The following DLGAP1 variants were observed in gnomAD, a reference collection of about 807,000 sequenced individuals.
The protein encoded by DLGAP1 is disks large-associated protein 1.
DLGAP1 carries 11 observed loss-of-function variants against 90.8 expected under a neutral mutation model. That is an observed-to-expected ratio of 0.12 (90% CI 0.08 to 0.20). The LOEUF is 0.20. Ranked by LOEUF, DLGAP1 falls within the 10% of genes least tolerant of loss-of-function variation. The probability of loss-of-function intolerance (pLI) is 1.00; values close to 1 mark genes in which losing one functional copy is unlikely to be tolerated. For missense variants in DLGAP1, 1,050 were observed against 1,333.8 expected (o/e 0.79, Z 3.31); for synonymous variants, 558 against 540.7 (o/e 1.03, Z -0.44).
chr18:3,746,785 T>G (rs1404348790), intron 5 of DLGAP1, among the ~76,000 whole-genome samples: 1 of 152,208 alleles, frequency 6.6e-6, no homozygotes, highest in Non-Finnish European at 1.5e-5. Flanking sequence ...ATTTACACAT[T>G]ACATTCATGT....
chr18:3,815,751 A>G lies in DLGAP1; in HGVS notation c.958-1478T>C, dbSNP rs1240672963. ...AGATCTCATTCCTTCTTCATTTTTC[A>G]TGACGTGAAAAAAAATGCATAATAA... is the stretch of plus-strand genomic sequence containing the variant. On this transcript the variant is annotated intron_variant, in intron 4 of 12. Transcript: ENST00000315677. 3.3e-5 allele frequency among the ~76,000 whole-genome samples: 5 copies of G among 152,028 alleles called. No homozygotes were observed. In the East Asian group the frequency reaches 9.6e-4, roughly 29 times the overall value.
chr18:4,250,489 A>C (rs2078757798), intron 1 of DLGAP1, among the ~76,000 whole-genome samples: 1 of 152,200 alleles, frequency 6.6e-6, no homozygotes, highest in Non-Finnish European at 1.5e-5. Context: ...TTTTGCTACC[A>C]TTTTATACCT....
intron 1 of DLGAP1, among the ~76,000 whole-genome samples, chr18:4,391,127 T>C (rs537144324): frequency 3.2e-4 from 49 of 152,356 alleles, no homozygotes; most frequent in Admixed American, 1.6e-3. Context: ...AGCTTATCTA[T>C]GTCACAAAAC....
At chr18:3,515,852 T>C (rs1365680195) in intron 10 of DLGAP1, among the ~76,000 whole-genome samples, 1 of 151,624 alleles carries the variant, frequency 6.6e-6, no homozygotes, top group Non-Finnish European at 1.5e-5. Flanking sequence ...TAAGTTGATG[T>C]AATATTCTAA....
rs368376136 is a variant in DLGAP1 at position 3,600,715 on chromosome 18, G to GATATATATAGAT, written c.1592-18468_1592-18467insATCTATATATAT. 5.9e-4 allele frequency among the ~76,000 whole-genome samples: 38 copies of GATATATATAGAT among 64,446 alleles called. 5 individuals are homozygous for GATATATATAGAT. Among genetic ancestry groups the GATATATATAGAT allele is most frequent in the Non-Finnish European group, 7.2e-4 (26 of 36,360 alleles). The allele number at this position is 64,446 out of a possible 152,430, so 42.3% of individuals were successfully genotyped here. The stretch of plus-strand genomic sequence containing the variant: ...CTATATAGATATCTATAGCTATATA[G>GATATATATAGAT]ATATAGAGATATAGATATATATAGA... On this transcript the variant is annotated intron_variant, in intron 7 of 12. Transcript: ENST00000315677.
chr18:3,582,371 A>T, intron 7 of DLGAP1, 123 bp from the exon 8 acceptor site: 1 of 1,443,226 alleles, frequency 6.9e-7, no homozygotes, highest in Non-Finnish European at 9.2e-7. Context: ...ACAGGAAAAC[A>T]AGTTCCATTG....
At position 3,567,410 on chromosome 18, in the gene DLGAP1, G is replaced by A. The variant is rs186522808; in HGVS notation, c.2057+80C>T. On this transcript the variant is annotated intron_variant, in intron 9 of 12. Coordinates refer to ENST00000315677, the MANE Select transcript of DLGAP1 (RefSeq NM_004746.4). ...TTAGAGGAAAATATCATTGAATTTT[G>A]TAGACTTATCACGGGGAAAAATGCT... is the stretch of plus-strand genomic sequence containing the variant. 7.5e-6 allele frequency: 9 copies of A among 1,198,216 alleles called. No homozygotes were observed. In the East Asian group the frequency reaches 1.2e-4, roughly 16 times the overall value. The allele number at this position is 1,198,216 out of a possible 1,614,324, so 74.2% of individuals were successfully genotyped here. A position where few individuals can be genotyped will look rare whatever the true frequency, so the allele number is the denominator to read the frequency against.
At chr18:3,538,052 T>C (rs899616759) in intron 9 of DLGAP1, among the ~76,000 whole-genome samples, 1 of 152,080 alleles carries the variant, frequency 6.6e-6, no homozygotes, top group Non-Finnish European at 1.5e-5. Flanking sequence ...TTCTAGTCCA[T>C]CAAAAATAAA....
At chr18:4,280,790 C>T (rs1396595440) in intron 1 of DLGAP1, 3 of 152,170 alleles carry the variant, frequency 2.0e-5, no homozygotes, top group South Asian at 2.1e-4. Flanking sequence ...ACCTCTTAAA[C>T]TCGTGAATCT....
chr18:4,387,240 T>C (rs150845684), intron 1 of DLGAP1, among the ~76,000 whole-genome samples: 76 of 152,298 alleles, frequency 5.0e-4, no homozygotes, highest in African/African-American at 1.8e-3. Flanking sequence ...CAAACACACC[T>C]GCACAGCATT....
intron 2 of DLGAP1, among the ~76,000 whole-genome samples, chr18:4,067,752 C>A (rs1011894212): frequency 2.6e-5 from 4 of 152,082 alleles, no homozygotes; most frequent in African/African-American, 4.8e-5. Flanking sequence ...CCCCTTCAAG[C>A]AATTGCCAAT....
chr18:4,062,132 T>A (rs2097167100), intron 2 of DLGAP1, among the ~76,000 whole-genome samples: 1 of 152,164 alleles, frequency 6.6e-6, no homozygotes, highest in African/African-American at 2.4e-5. Flanking sequence ...TAAACAAAAT[T>A]TGGAGCATAT....
chr18:3,785,975 C>T (rs1242684830), intron 5 of DLGAP1, among the ~76,000 whole-genome samples: 1 of 152,158 alleles, frequency 6.6e-6, no homozygotes, highest in African/African-American at 2.4e-5. Context: ...TATTTCTTGG[C>T]TGTGGCCCTT....
chr18:4,082,565 C>T (rs988933433), intron 2 of DLGAP1, among the ~76,000 whole-genome samples: 7 of 147,572 alleles, frequency 4.7e-5, no homozygotes, highest in Non-Finnish European at 8.9e-5. Context: ...TACCCCATTC[C>T]ATGGTGGGGG....
At chr18:3,821,894 G>A (rs1408233607) in intron 4 of DLGAP1, 30 of 984,948 alleles carry the variant, frequency 3.0e-5, no homozygotes, top group Admixed American at 6.2e-5. Context: ...CTACTCACTC[G>A]ATTTCTTTGC....
chr18:3,695,645 C>A (rs2061067033), intron 7 of DLGAP1, among the ~76,000 whole-genome samples: 1 of 152,196 alleles, frequency 6.6e-6, no homozygotes, highest in South Asian at 2.1e-4. Context: ...GTGATGCCTC[C>A]AGCTTTGTTC....
intron 7 of DLGAP1, among the ~76,000 whole-genome samples, chr18:3,666,593 A>G (rs2059893062): frequency 6.6e-6 from 1 of 152,236 alleles, no homozygotes; most frequent in Non-Finnish European, 1.5e-5. Context: ...ATGCAGTTCT[A>G]AATGGCAAAT....
chr18:3,925,300 T>TA lies in DLGAP1; in HGVS notation c.-72-45161dup, dbSNP rs397793776. On this transcript the variant is annotated intron_variant, in intron 3 of 12. Coordinates refer to ENST00000315677, the MANE Select transcript of DLGAP1 (RefSeq NM_004746.4). ...GATTTGTGGGATTTTTTTTTTTTTT[T>TA]AATTTCAAGATCCCAAAGAACATGT... Among the ~76,000 whole-genome samples, 248 of 150,696 alleles carry TA rather than the reference T, an allele frequency of 1.6e-3. 2 individuals are homozygous for TA. The highest frequency in any genetic ancestry group is 5.4e-3 in the African/African-American group (221 of 40,950).
At chr18:3,544,938 T>C (rs2052926160) in intron 9 of DLGAP1, among the ~76,000 whole-genome samples, 1 of 151,902 alleles carries the variant, frequency 6.6e-6, no homozygotes, top group Non-Finnish European at 1.5e-5. Flanking sequence ...ATTTTGTATA[T>C]ATACAACAAT....
Sources: allele counts gnomAD v4.1 joint callset (sites outside exome capture counted in the v4.1 genomes callset), GRCh38; gene constraint gnomAD v4.1.1; transcripts MANE v1.5; gene names NCBI Gene and HGNC (gene_info 2026-07-23, HGNC 2026-07-21).